The following BPTF variants were observed in gnomAD, a reference collection of about 807,000 sequenced individuals.
BPTF encodes the protein bromodomain PHD finger transcription factor.
In BPTF, 18 loss-of-function variants were observed where a neutral mutation model predicts 292.5. That is an observed-to-expected ratio of 0.06 (90% CI 0.04 to 0.09). The LOEUF is 0.09. Ranked by LOEUF, BPTF falls within the 10% of genes least tolerant of loss-of-function variation. The pLI, the probability that BPTF is intolerant of heterozygous loss-of-function variation, is 1.00. For synonymous variants in BPTF, 1,225 were observed against 1,251.9 expected, an observed-to-expected ratio of 0.98 and a Z score of 0.45; for missense variants, 2,726 against 3,498.7, an observed-to-expected ratio of 0.78 and a Z score of 5.57.
chr17:67,883,156 T>C (rs763577994), intron 4 of BPTF, among the ~76,000 whole-genome samples: 2 of 151,840 alleles, frequency 1.3e-5, no homozygotes, highest in Non-Finnish European at 2.9e-5. Context: ...CTACTAAAAA[T>C]ACAAACAAAA....
chr17:67,976,014 T>C, intron 27 of BPTF, 56 bp downstream of exon 27: 1 of 1,371,028 alleles, frequency 7.3e-7, no homozygotes, highest in South Asian at 1.4e-5. Context: ...CTCTTTATAC[T>C]ATTCTGTCTA....
chr17:67,970,828 A>AT (rs1340014230), intron 26 of BPTF, among the ~76,000 whole-genome samples: 1 of 152,140 alleles, frequency 6.6e-6, no homozygotes, highest in Non-Finnish European at 1.5e-5. Context: ...CCATCAATAG[A>AT]TTTTTTTATT....
intron 23 of BPTF, among the ~76,000 whole-genome samples, chr17:67,953,178 G>A (rs1418274683): frequency 2.6e-5 from 4 of 151,634 alleles, no homozygotes; most frequent in Non-Finnish European, 5.9e-5. Context: ...AGCCAGGATG[G>A]TCTCGATCTC....
In BPTF at chr17:67,825,557, G is replaced by A; in HGVS notation, c.-168G>A. ...TGGCGGCTGAAGGCGATCCGGAGTG[G>A]GGCCCCAGCAATTCGGATTGAGCCT... is the stretch of plus-strand genomic sequence containing the variant. On this transcript the variant is annotated 5_prime_UTR_variant, in exon 1 of 28. An upstream open reading frame in the 5' UTR gains an earlier in-frame stop. Transcript: ENST00000306378. 1.2e-5 allele frequency: 5 copies of A among 429,918 alleles called. No homozygotes were observed. The highest frequency in any genetic ancestry group is 2.2e-5 in the Non-Finnish European group (5 of 223,000). 26.6% of individuals were successfully genotyped at this position (429,918 alleles called of 1,614,324 possible).
chr17:67,912,526 C>T lies in BPTF; in HGVS notation c.4642C>T (p.Pro1548Ser). 1 of 1,613,942 alleles carries T rather than the reference C, an allele frequency of 6.2e-7. No homozygotes were observed. Among genetic ancestry groups the T allele is most frequent in the Non-Finnish European group, 8.5e-7 (1 of 1,179,928 alleles). The stretch of plus-strand genomic sequence containing the variant: ...AGAAGTTAAGAAAGTTACTTCATCA[C>T]CTATTACTTCTGAAGAGGAATCTAA... ...TSEVKKVTSS[P>S]ITSEEESNLS... Residue 1548 changes from proline (P) to serine (S), a missense_variant, in exon 11 of 28, where the codon CCT becomes TCT. Physicochemically the swap from Pro to Ser is moderately conservative, Grantham distance 74. Transcript: ENST00000306378.
rs567776155 is a variant in BPTF, at chr17:67,844,379, C to G, written c.614-9561C>G. 1.5e-4 allele frequency among the ~76,000 whole-genome samples: 23 copies of G among 151,726 alleles called. No individual in the cohort carries two copies. The South Asian group carries it at 3.1e-3, about 21-fold the overall frequency. On this transcript the variant is annotated intron_variant, in intron 1 of 27. Coordinates refer to ENST00000306378, the MANE Select transcript of BPTF (RefSeq NM_182641.4). ...TCTCCTGCCTCAGCCTCCCGAGTAGCTGGGACTACAGGCGCCCGCCACCAC... is the reference window on the plus strand; with the variant it reads ...TCTCCTGCCTCAGCCTCCCGAGTAGGTGGGACTACAGGCGCCCGCCACCAC...
chr17:67,946,357 G>A, intron 21 of BPTF, 32 bp downstream of exon 21: 1 of 1,603,678 alleles, frequency 6.2e-7, no homozygotes, highest in Middle Eastern at 1.7e-4. Context: ...AGCATGTTCA[G>A]TAGCTTGAAT....
chr17:67,885,475 A>G (rs974991338), intron 4 of BPTF, among the ~76,000 whole-genome samples: 6 of 152,032 alleles, frequency 3.9e-5, no homozygotes, highest in Non-Finnish European at 7.4e-5. Context: ...CTGTAGTCCC[A>G]GCTACTCAGG....
At position 67,839,946 on chromosome 17, in the gene BPTF, T is replaced by C. The variant is rs532019633; in HGVS notation, c.613+13609T>C. The stretch of plus-strand genomic sequence containing the variant: ...CCTGTATCCTCCCTAGTACTTGATA[T>C]TGTCAGTTTTTTTTTTAAAAGACAC... On this transcript the variant is annotated intron_variant, in intron 1 of 27. Transcript: ENST00000306378. Among the ~76,000 whole-genome samples, 194 of 152,212 alleles carry C rather than the reference T, an allele frequency of 1.3e-3. 2 individuals are homozygous for C. Among genetic ancestry groups the C allele is most frequent in the Admixed American group, 2.2e-3 (34 of 15,280 alleles).
At chr17:67,950,479 G>T (rs1049980014) in intron 23 of BPTF, among the ~76,000 whole-genome samples, 3 of 152,034 alleles carry the variant, frequency 2.0e-5, no homozygotes, top group Non-Finnish European at 2.9e-5. Context: ...ATTGAGGAAA[G>T]AAGACATTGT....
intron 11 of BPTF, 117 bp downstream of exon 11, chr17:67,913,304 G>A: frequency 7.1e-7 from 1 of 1,417,562 alleles, no homozygotes. Flanking sequence ...ACATATTAAT[G>A]GCCAAAGATA....
Position 67,945,949 on chromosome 17 carries a change from C to T in BPTF, c.7241C>T (p.Thr2414Ile), listed in dbSNP as rs1555674880. The T allele has an allele frequency of 6.2e-7, 1 of 1,614,192 alleles. No homozygotes were observed. Residue 2414 changes from threonine to isoleucine, a missense_variant, in exon 21 of 28, where the codon ACT becomes ATT. Transcript: ENST00000306378. ...TCAGGACAAACTTTAAATCAAGTTA[C>T]TGTTTCATCCCCATCCCGTCCTCAG... ...LSSGQTLNQV[T>I]VSSPSRPQLQ...
intron 7 of BPTF, among the ~76,000 whole-genome samples, chr17:67,902,960 A>T (rs2061948362): frequency 6.6e-6 from 1 of 152,104 alleles, no homozygotes; most frequent in South Asian, 2.1e-4. Context: ...AAATATTCTG[A>T]TTCATAAAAA....
In BPTF at chr17:67,954,386, G is replaced by A. The variant is rs782702548; in HGVS notation, c.7927-5155G>A. ...TTTCCTTTTCAAACATTTAAGTTTT[G>A]CAAGCTTATTTTGAGTGAGAGGAGT... On this transcript the variant is annotated intron_variant, in intron 23 of 27. Coordinates refer to ENST00000306378, the MANE Select transcript of BPTF (RefSeq NM_182641.4). Among the ~76,000 whole-genome samples, 3 of 151,926 alleles carry A rather than the reference G, an allele frequency of 2.0e-5. No individual in the cohort carries two copies. The South Asian group carries it at 6.2e-4, about 32-fold the overall frequency.
At chr17:67,947,601 C>A in intron 21 of BPTF, 125 bp from the exon 22 acceptor site, 1 of 712,098 alleles carries the variant, frequency 1.4e-6, no homozygotes, top group Non-Finnish European at 2.2e-6. Flanking sequence ...ATTTATGTTA[C>A]GATATAAAAT....
chr17:67,917,131 C>CTTTTTTTT lies in BPTF; in HGVS notation c.5304-1571_5304-1564dup, dbSNP rs943348736. On this transcript the variant is annotated intron_variant, in intron 11 of 27. Transcript: ENST00000306378. ...GATAAGTAACTAATATGGTATTGTC[C>CTTTTTTTT]TTTTTTTTTTTTTTTTTTTGAGATA... Among the ~76,000 whole-genome samples, 176 of 105,740 alleles carry CTTTTTTTT rather than the reference C, an allele frequency of 1.7e-3. 12 individuals are homozygous for CTTTTTTTT. Among genetic ancestry groups the CTTTTTTTT allele is most frequent in the East Asian group, 4.1e-3 (10 of 2,448 alleles). The allele number at this position is 105,740 out of a possible 152,430, so 69.4% of individuals were successfully genotyped here.
intron 27 of BPTF, among the ~76,000 whole-genome samples, chr17:67,978,781 T>C (rs1235664408): frequency 5.3e-5 from 8 of 152,162 alleles, no homozygotes; most frequent in African/African-American, 1.9e-4. Context: ...TTAGATAATT[T>C]GTTTAAGACA....
chr17:67,920,181 T>C (rs1180278914), intron 13 of BPTF, 38 bp downstream of exon 13: 1 of 1,573,970 alleles, frequency 6.4e-7, no homozygotes, highest in African/African-American at 1.4e-5. Flanking sequence ...GATTAACCTG[T>C]TAACCATGTA....
chr17:67,870,766 CTTTTTTTTT>C (rs11418428), intron 3 of BPTF, among the ~76,000 whole-genome samples: 253 of 106,382 alleles, frequency 2.4e-3, no homozygotes, highest in African/African-American at 8.9e-3. Context: ...TGCTTCATTT[CTTTTTTTTT>C]TTTTTTTTTT....
Sources: gnomAD v4.1 joint callset for allele counts (sites outside exome capture counted in the v4.1 genomes callset) on GRCh38, gnomAD v4.1.1 for gene constraint, MANE v1.5 for transcripts, NCBI Gene and HGNC (gene_info 2026-07-23, HGNC 2026-07-21) for gene names.